Variants in NPSR1 observed in about 807,000 individuals in gnomAD.
The protein encoded by NPSR1 is neuropeptide S receptor 1.
In NPSR1, 48 loss-of-function variants were observed where a neutral mutation model predicts 46.9. The ratio of observed to expected loss-of-function variants is 1.02; its 90% CI spans 0.81 to 1.30. The LOEUF (loss-of-function observed/expected upper bound fraction) is 1.30, where lower values mean the gene tolerates loss of function less well. Ranked by LOEUF, NPSR1 falls within the 50% of genes most tolerant of loss-of-function variation. NPSR1 has a pLI of 0.00. For synonymous variants in NPSR1, 176 were observed against 168.1 expected (o/e 1.05, Z -0.36); for missense variants, 450 against 449.5 (o/e 1.00, Z -0.01).
intron 1 of NPSR1, among the ~76,000 whole-genome samples, chr7:34,664,202 AGAGCCAGACTT>A (rs1220646860): frequency 6.6e-5 from 10 of 152,236 alleles, no homozygotes; most frequent in Admixed American, 6.5e-4. Flanking sequence ...AGCAGGCTTT[AGAGCCAGACTT>A]CTGGGGTCAA....
chr7:34,715,350 G>C (rs1163623379), intron 2 of NPSR1, among the ~76,000 whole-genome samples: 1 of 152,206 alleles, frequency 6.6e-6, no homozygotes, highest in African/African-American at 2.4e-5. Flanking sequence ...AGCCAATCAG[G>C]CCCAAGTGGT....
intron 2 of NPSR1, among the ~76,000 whole-genome samples, chr7:34,731,500 G>A (rs542947116): frequency 3.3e-5 from 5 of 152,030 alleles, no homozygotes; most frequent in Non-Finnish European, 5.9e-5. Flanking sequence ...AGTACCCCTG[G>A]GTTACATTTT....
intron 3 of NPSR1, among the ~76,000 whole-genome samples, chr7:34,805,479 C>CAAAAAA (rs57776086): frequency 2.4e-4 from 17 of 71,894 alleles, no homozygotes; most frequent in East Asian, 5.2e-4. Context: ...TATCCACATG[C>CAAAAAA]AAAAAAAAAA....
At chr7:34,759,081 A>G (rs1786027525) in intron 2 of NPSR1, among the ~76,000 whole-genome samples, 6 of 152,200 alleles carry the variant, frequency 3.9e-5, no homozygotes, top group Admixed American at 3.9e-4. Flanking sequence ...ATATAGTATC[A>G]GCAGACACAG....
intron 5 of NPSR1, 107 bp from the exon 6 acceptor site, chr7:34,834,277 T>C (rs151317529): frequency 1.3e-6 from 1 of 799,504 alleles, no homozygotes; most frequent in Non-Finnish European, 2.2e-6. Context: ...GGTTAAAAGA[T>C]CTGTCCCTTC....
chr7:34,811,472 G>A (rs34469925), intron 3 of NPSR1, among the ~76,000 whole-genome samples: 5,897 of 152,170 alleles, frequency 0.039, 171 homozygotes, highest in Non-Finnish European at 0.064. Flanking sequence ...CAGGATAGGG[G>A]CATGTAGCTG....
intron 2 of NPSR1, among the ~76,000 whole-genome samples, chr7:34,726,819 TAAA>T (rs35968998): frequency 1.3e-3 from 164 of 124,004 alleles, no homozygotes; most frequent in African/African-American, 3.8e-3. Context: ...ATGAAGACAG[TAAA>T]AAAAAAAAAA....
At chr7:34,789,013 C>A (rs79847809) in intron 3 of NPSR1, among the ~76,000 whole-genome samples, 11,239 of 151,780 alleles carry the variant, frequency 0.074, 502 homozygotes, top group East Asian at 0.12. Flanking sequence ...AAAAATGTTA[C>A]AAACGTGAAA....
intron 8 of NPSR1, among the ~76,000 whole-genome samples, chr7:34,874,102 T>C (rs1363637546): frequency 6.6e-6 from 1 of 151,442 alleles, no homozygotes; most frequent in African/African-American, 2.4e-5. Context: ...AGCAGAAAGT[T>C]GAGACTGGAA....
At chr7:34,874,141 T>C (rs1562781970) in intron 8 of NPSR1, among the ~76,000 whole-genome samples, 1 of 151,884 alleles carries the variant, frequency 6.6e-6, no homozygotes. Context: ...CCCAGTGCTC[T>C]TGGAACTAGA....
intron 3 of NPSR1, among the ~76,000 whole-genome samples, chr7:34,799,032 T>A (rs898967005): frequency 2.6e-5 from 4 of 152,100 alleles, no homozygotes; most frequent in Non-Finnish European, 5.9e-5. Flanking sequence ...AAACTAATCT[T>A]AGGCCTTAGG....
Position 34,867,683 on chromosome 7 carries a change from G to A in NPSR1, c.1026-10393G>A, listed in dbSNP as rs1791344077. ...TTTTTGCTCTGGAAATAAGTAATGG[G>A]TCACTGGGGAGACAAATAGAACTAT... is the stretch of plus-strand genomic sequence containing the variant. On this transcript the variant is annotated intron_variant, in intron 8 of 8. Coordinates refer to the NPSR1 transcript ENST00000359791. 2.0e-5 allele frequency among the ~76,000 whole-genome samples: 3 copies of A among 151,870 alleles called. No individual in the cohort carries two copies. The South Asian group carries it at 6.2e-4, about 31-fold the overall frequency.
chr7:34,829,810 A>T (rs1435051062), intron 5 of NPSR1, among the ~76,000 whole-genome samples: 1 of 152,170 alleles, frequency 6.6e-6, no homozygotes, highest in South Asian at 2.1e-4. Context: ...GAGGGAAATG[A>T]TTTCAAAAAC....
At chr7:34,855,122 G>T (rs1464290810) in intron 8 of NPSR1, among the ~76,000 whole-genome samples, 4 of 151,472 alleles carry the variant, frequency 2.6e-5, no homozygotes, top group Admixed American at 2.6e-4. Flanking sequence ...AAATGTATAG[G>T]ATACAAATAA....
intron 2 of NPSR1, among the ~76,000 whole-genome samples, chr7:34,714,047 C>A (rs1783430933): frequency 6.6e-6 from 1 of 152,252 alleles, no homozygotes; most frequent in Non-Finnish European, 1.5e-5. Context: ...ATCTTTTCTC[C>A]ATGCTGTCTG....
chr7:34,779,599 T>C (rs959660603), intron 3 of NPSR1: 7 of 1,281,228 alleles, frequency 5.5e-6, no homozygotes, highest in Non-Finnish European at 7.1e-6. Flanking sequence ...AGTTACAATC[T>C]TCTTTTGTGC....
chr7:34,750,223 G>T, intron 2 of NPSR1: 1 of 586,880 alleles, frequency 1.7e-6, no homozygotes, highest in South Asian at 1.8e-5. Flanking sequence ...CCTGCACAGG[G>T]AGGAAAGGAA....
At chr7:34,852,518 G>A (rs900328296), downstream of NPSR1, among the ~76,000 whole-genome samples, 1 of 152,134 alleles carries the variant, frequency 6.6e-6, no homozygotes, top group Non-Finnish European at 1.5e-5. Context: ...CTGAGATTGT[G>A]TCCAGAGACT....
chr7:34,772,818 C>T (rs188156819), intron 2 of NPSR1, among the ~76,000 whole-genome samples: 44 of 152,196 alleles, frequency 2.9e-4, no homozygotes, highest in Non-Finnish European at 2.9e-5. Context: ...CTGTGTTCTC[C>T]CCATATGCCT....
Sources: allele counts gnomAD v4.1 joint callset (sites outside exome capture counted in the v4.1 genomes callset), GRCh38; gene constraint gnomAD v4.1.1; transcripts MANE v1.5; gene names NCBI Gene and HGNC (gene_info 2026-07-23, HGNC 2026-07-21).